Variants in COL21A1 observed in about 807,000 individuals in gnomAD.
The protein encoded by COL21A1 is collagen type XXI alpha 1 chain, also known as collagen alpha-1(XXI) chain.
COL21A1 carries 149 observed loss-of-function variants against 137.9 expected under a neutral mutation model. The ratio of observed to expected loss-of-function variants is 1.08; its 90% CI spans 0.95 to 1.24. The LOEUF (loss-of-function observed/expected upper bound fraction) is 1.24. Among genes scored for constraint, COL21A1 ranks in the 50% most tolerant of loss-of-function variants. The pLI, the probability that COL21A1 is intolerant of heterozygous loss-of-function variation, is 0.00. For synonymous variants in COL21A1, 456 were observed against 391.5 expected (o/e 1.16, Z -1.95); for missense variants, 1,167 against 1,158.4 (o/e 1.01, Z -0.11).
chr6:56,085,177 T>C (rs949360563), intron 17 of COL21A1, among the ~76,000 whole-genome samples: 3 of 152,020 alleles, frequency 2.0e-5, no homozygotes, highest in Non-Finnish European at 4.4e-5. Context: ...TTGTTACTTT[T>C]GTCTATTACA....
chr6:56,058,755 A>G (rs1389749895), intron 29 of COL21A1, among the ~76,000 whole-genome samples: 1 of 152,194 alleles, frequency 6.6e-6, no homozygotes, highest in Non-Finnish European at 1.5e-5. Flanking sequence ...TGGAGATAAC[A>G]TTATCATCAC....
At chr6:56,323,289 A>G (rs1294975322) in intron 1 of COL21A1, among the ~76,000 whole-genome samples, 1 of 152,170 alleles carries the variant, frequency 6.6e-6, no homozygotes, top group African/African-American at 2.4e-5. Flanking sequence ...AGTTTTTCAT[A>G]TTGTTTTCTT....
chr6:56,181,751 G>A (rs1412951792), intron 2 of COL21A1, among the ~76,000 whole-genome samples: 1 of 152,032 alleles, frequency 6.6e-6, no homozygotes, highest in African/African-American at 2.4e-5. Flanking sequence ...GCAAAAACAT[G>A]GTTCAAATAC....
chr6:56,283,559 T>C (rs925618404), intron 1 of COL21A1, among the ~76,000 whole-genome samples: 5 of 152,178 alleles, frequency 3.3e-5, no homozygotes, highest in Non-Finnish European at 7.4e-5. Context: ...ACAATGAATA[T>C]GTACTGTTTT....
intron 3 of COL21A1, among the ~76,000 whole-genome samples, chr6:56,176,781 T>C (rs982585511): frequency 2.0e-5 from 3 of 151,422 alleles, no homozygotes; most frequent in Non-Finnish European, 4.4e-5. Context: ...ACTTAAAGAT[T>C]TGTTAGAAGA....
At chr6:56,099,168 A>G (rs2152160222) in intron 17 of COL21A1, among the ~76,000 whole-genome samples, 1 of 151,674 alleles carries the variant, frequency 6.6e-6, no homozygotes, top group Admixed American at 6.6e-5. Flanking sequence ...CGGGAGAATG[A>G]ATTACAGATT....
chr6:56,369,101 C>A (rs1257239799), intron 1 of COL21A1, among the ~76,000 whole-genome samples: 2 of 152,078 alleles, frequency 1.3e-5, no homozygotes, highest in Non-Finnish European at 2.9e-5. Context: ...TATCGAGAAC[C>A]AATTGTTTTG....
At chr6:56,167,855 G>T (rs1776711513) in intron 6 of COL21A1, among the ~76,000 whole-genome samples, 1 of 152,076 alleles carries the variant, frequency 6.6e-6, no homozygotes, top group African/African-American at 2.4e-5. Context: ...TGGGAAACAT[G>T]AAATTAATGT....
rs1013862734 is a variant in COL21A1 at position 56,077,020 on chromosome 6, A to G, written c.1857+509T>C. Among the ~76,000 whole-genome samples the G allele has an allele frequency of 5.9e-5, 9 of 151,492 alleles. 1 individual carries two copies. Among genetic ancestry groups the G allele is most frequent in the African/African-American group, 2.2e-4 (9 of 41,368 alleles). On this transcript the variant is annotated intron_variant, in intron 18 of 29. Coordinates refer to ENST00000244728, the MANE Select transcript of COL21A1 (RefSeq NM_030820.4). ...CACTTACAAAAGAATGATAATTAGA[A>G]TGACAGCAGATTTTTCAAAGTTAAC...
intron 1 of COL21A1, among the ~76,000 whole-genome samples, chr6:56,290,695 T>C (rs1764020724): frequency 6.6e-6 from 1 of 151,922 alleles, no homozygotes; most frequent in African/African-American, 2.4e-5. Context: ...AGAGATGGGG[T>C]TTCCCCATGT....
chr6:56,330,638 T>A (rs1765198466), intron 1 of COL21A1, among the ~76,000 whole-genome samples: 1 of 152,084 alleles, frequency 6.6e-6, no homozygotes, highest in Non-Finnish European at 1.5e-5. Context: ...TAAGTAATAT[T>A]TCATCCCTCG....
At chr6:56,327,769 C>T (rs1765129959) in intron 1 of COL21A1, among the ~76,000 whole-genome samples, 1 of 152,012 alleles carries the variant, frequency 6.6e-6, no homozygotes, top group Admixed American at 6.6e-5. Flanking sequence ...ATTGTCCTGC[C>T]TAAGCTTAGG....
chr6:56,153,246 C>T (rs1775462379), intron 10 of COL21A1, among the ~76,000 whole-genome samples: 1 of 152,050 alleles, frequency 6.6e-6, no homozygotes, highest in African/African-American at 2.4e-5. Context: ...TTAAATTCCC[C>T]CAAAATAGCC....
At chr6:56,312,443 G>T (rs1323211403) in intron 1 of COL21A1, among the ~76,000 whole-genome samples, 2 of 152,198 alleles carry the variant, frequency 1.3e-5, no homozygotes. Context: ...CTGGGAACAT[G>T]TTGGTATTTC....
At chr6:56,226,886 T>G (rs1015628699) in intron 1 of COL21A1, among the ~76,000 whole-genome samples, 1 of 151,978 alleles carries the variant, frequency 6.6e-6, no homozygotes, top group African/African-American at 2.4e-5. Flanking sequence ...AAGAAATACT[T>G]TCTTTGGATT....
At chr6:56,169,229 C>T (rs1776837141) in intron 5 of COL21A1, among the ~76,000 whole-genome samples, 1 of 151,932 alleles carries the variant, frequency 6.6e-6, no homozygotes, top group Non-Finnish European at 1.5e-5. Context: ...AGATCTCTCA[C>T]CCTTTCATTT....
At chr6:56,200,437 T>C (rs1779307521) in intron 1 of COL21A1, among the ~76,000 whole-genome samples, 1 of 146,638 alleles carries the variant, frequency 6.8e-6, no homozygotes, top group African/African-American at 2.5e-5. Context: ...TTATAACTCC[T>C]AATGCTATCC....
chr6:56,271,097 A>C (rs577067459), intron 1 of COL21A1, among the ~76,000 whole-genome samples: 133 of 152,334 alleles, frequency 8.7e-4, no homozygotes, highest in African/African-American at 3.1e-3. Context: ...GCAGAAGAAG[A>C]CAGTAAGATG....
intron 17 of COL21A1, among the ~76,000 whole-genome samples, chr6:56,094,723 A>AT (rs1769168802): frequency 6.6e-6 from 1 of 152,174 alleles, no homozygotes; most frequent in Admixed American, 6.5e-5. Flanking sequence ...GTATTGGTTT[A>AT]TGCAAGAGTG....
Sources: allele counts gnomAD v4.1 joint callset (sites outside exome capture counted in the v4.1 genomes callset), GRCh38; gene constraint gnomAD v4.1.1; transcripts MANE v1.5; gene names NCBI Gene and HGNC (gene_info 2026-07-23, HGNC 2026-07-21).